Variants in NELL2 observed in about 807,000 individuals in gnomAD.
NELL2 encodes the protein protein kinase C-binding protein NELL2.
A neutral mutation model predicts 109.6 loss-of-function variants in NELL2; 41 were observed. The observed-to-expected ratio is 0.37, with a 90% confidence interval of 0.29 to 0.49. The LOEUF is 0.49. NELL2 is among the 20% of genes least tolerant of loss of function. The probability of loss-of-function intolerance (pLI) is 0.98; values close to 1 mark genes in which losing one functional copy is unlikely to be tolerated. For missense variants in NELL2, 900 were observed against 1,008.3 expected, an observed-to-expected ratio of 0.89 and a Z score of 1.45; for synonymous variants, 355 against 344.7, an observed-to-expected ratio of 1.03 and a Z score of -0.33.
chr12:44,578,277 T>C (rs972867875), intron 15 of NELL2, among the ~76,000 whole-genome samples: 9 of 152,080 alleles, frequency 5.9e-5, no homozygotes, highest in Admixed American at 5.9e-4. Context: ...AAATACAGGA[T>C]ACCAAAATGT....
chr12:44,851,126 G>A (rs563915054), intron 2 of NELL2, among the ~76,000 whole-genome samples: 45 of 151,968 alleles, frequency 3.0e-4, no homozygotes, highest in Non-Finnish European at 5.9e-4. Context: ...CTTTTTGTTC[G>A]AAGAATCAAC....
At chr12:44,785,536 T>C (rs1942130873) in intron 3 of NELL2, among the ~76,000 whole-genome samples, 4 of 152,048 alleles carry the variant, frequency 2.6e-5, no homozygotes, top group African/African-American at 9.7e-5. Flanking sequence ...CTACTTTAAA[T>C]TTCATATGGA....
At position 44,549,121 on chromosome 12, in the gene NELL2, T is replaced by C. The variant is rs540245925; in HGVS notation, c.1664-16400A>G. On this transcript the variant is annotated intron_variant, in intron 15 of 19. Coordinates refer to ENST00000429094, the MANE Select transcript of NELL2 (RefSeq NM_001145108.2). The stretch of plus-strand genomic sequence containing the variant: ...CCCACATATTTAATTTCATGTTATA[T>C]TGAAGAAAATAGAGTCATAGTACCT... 3.3e-5 allele frequency among the ~76,000 whole-genome samples: 5 copies of C among 152,316 alleles called. No homozygotes were observed. The South Asian group carries it at 1.0e-3, about 32-fold the overall frequency.
intron 13 of NELL2, among the ~76,000 whole-genome samples, chr12:44,639,384 C>A (rs1052094694): frequency 1.3e-5 from 2 of 152,162 alleles, no homozygotes; most frequent in South Asian, 2.1e-4. Context: ...ATCATAACGA[C>A]GACCATGACA....
chr12:44,784,773 C>CA (rs1360265413), intron 3 of NELL2, among the ~76,000 whole-genome samples: 4 of 151,906 alleles, frequency 2.6e-5, no homozygotes, highest in African/African-American at 7.3e-5. Flanking sequence ...GAACCAGTGA[C>CA]AAAAAAACAT....
At chr12:44,872,474 T>C (rs1169449967) in intron 2 of NELL2, among the ~76,000 whole-genome samples, 1 of 152,190 alleles carries the variant, frequency 6.6e-6, no homozygotes, top group Non-Finnish European at 1.5e-5. Flanking sequence ...CATTTGTTTT[T>C]ATTAGGTATA....
chr12:44,855,416 T>A (rs1944654969), intron 2 of NELL2, among the ~76,000 whole-genome samples: 1 of 152,182 alleles, frequency 6.6e-6, no homozygotes, highest in African/African-American at 2.4e-5. Context: ...ACAAAATCAG[T>A]CTAAGTCTTT....
chr12:44,775,901 CT>C, intron 8 of NELL2, 120 bp downstream of exon 8: 1 of 1,131,116 alleles, frequency 8.8e-7, no homozygotes. Flanking sequence ...TTTGTTGACA[CT>C]TTAGTGTTGT....
At chr12:44,646,308 C>A (rs1218012187) in intron 13 of NELL2, among the ~76,000 whole-genome samples, 1 of 152,052 alleles carries the variant, frequency 6.6e-6, no homozygotes, top group Non-Finnish European at 1.5e-5. Flanking sequence ...GCTGCATAAC[C>A]AGATTTCAAA....
intron 13 of NELL2, among the ~76,000 whole-genome samples, chr12:44,629,042 T>A (rs995551251): frequency 6.6e-6 from 1 of 152,180 alleles, no homozygotes; most frequent in African/African-American, 2.4e-5. Context: ...TCAAGAGACA[T>A]GATATTATGT....
chr12:44,818,688 T>A (rs1251988001), intron 2 of NELL2, among the ~76,000 whole-genome samples: 2 of 152,022 alleles, frequency 1.3e-5, no homozygotes, highest in Non-Finnish European at 2.9e-5. Context: ...GGAGTTAGAT[T>A]TGTGAACAGA....
chr12:44,787,114 T>C lies in NELL2; in HGVS notation c.336-7092A>G, dbSNP rs569977659. Reference sequence around the variant, plus strand: ...ACAATATGACATATAAAAATAATTATATTTCTACAAGCTAGCAAAAATACA... The same window carrying C: ...ACAATATGACATATAAAAATAATTACATTTCTACAAGCTAGCAAAAATACA... On this transcript the variant is annotated intron_variant, in intron 3 of 19. Transcript: ENST00000429094. Among the ~76,000 whole-genome samples the C allele has an allele frequency of 5.9e-5, 9 of 152,298 alleles. No individual in the cohort carries two copies. The East Asian group carries it at 1.7e-3, about 29-fold the overall frequency.
intron 2 of NELL2, among the ~76,000 whole-genome samples, chr12:44,842,203 C>G (rs893270728): frequency 6.6e-6 from 1 of 151,712 alleles, no homozygotes; most frequent in Non-Finnish European, 1.5e-5. Context: ...AGGCCTTACA[C>G]TACCTGATTT....
At chr12:44,699,255 T>G (rs2136412022) in intron 12 of NELL2, among the ~76,000 whole-genome samples, 1 of 152,244 alleles carries the variant, frequency 6.6e-6, no homozygotes, top group South Asian at 2.1e-4. Flanking sequence ...GAATATATAA[T>G]TTTTTAAAGA....
intron 5 of NELL2, among the ~76,000 whole-genome samples, chr12:44,778,434 G>A (rs1454380057): frequency 1.3e-5 from 2 of 152,206 alleles, no homozygotes; most frequent in South Asian, 2.1e-4. Context: ...TATCGTGTAC[G>A]GTTATATAGT....
intron 9 of NELL2, among the ~76,000 whole-genome samples, chr12:44,756,588 C>T (rs938814415): frequency 3.3e-5 from 5 of 152,092 alleles, no homozygotes; most frequent in Admixed American, 6.6e-5. Context: ...CAACCATCTC[C>T]ACATTCTGAA....
chr12:44,850,362 G>C (rs1270458622), intron 2 of NELL2, among the ~76,000 whole-genome samples: 1 of 152,060 alleles, frequency 6.6e-6, no homozygotes, highest in Non-Finnish European at 1.5e-5. Flanking sequence ...GATAGTGTTA[G>C]AGATAGAGTG....
chr12:44,791,183 CATATATATATATATAT>C (rs748283455), intron 3 of NELL2, among the ~76,000 whole-genome samples: 1,236 of 15,096 alleles, frequency 0.082, 43 homozygotes, highest in Admixed American at 0.13. Flanking sequence ...AGTATTCCAT[CATATATATATATATAT>C]ATATATATAT....
intron 9 of NELL2, among the ~76,000 whole-genome samples, chr12:44,745,116 G>T (rs1377617636): frequency 6.6e-6 from 1 of 152,186 alleles, no homozygotes; most frequent in South Asian, 2.1e-4. Context: ...TAATCGAGTG[G>T]GCTTCATCCC....
Sources: gnomAD v4.1 joint callset for allele counts (sites outside exome capture counted in the v4.1 genomes callset) on GRCh38, gnomAD v4.1.1 for gene constraint, MANE v1.5 for transcripts, NCBI Gene and HGNC (gene_info 2026-07-23, HGNC 2026-07-21) for gene names.